DLG1: variants seen among roughly 807,000 people sequenced by gnomAD.
DLG1 encodes disks large homolog 1.
Under a neutral mutation model 123.4 loss-of-function variants are expected in DLG1, and 42 were observed. That is an observed-to-expected ratio of 0.34 (90% CI 0.27 to 0.44). The LOEUF (loss-of-function observed/expected upper bound fraction) is 0.44, where lower values mean the gene tolerates loss of function less well. Ranked by LOEUF, DLG1 falls within the 20% of genes least tolerant of loss-of-function variation. The probability of loss-of-function intolerance (pLI) is 1.00; values close to 1 mark genes in which losing one functional copy is unlikely to be tolerated. For missense variants in DLG1, 942 were observed against 1,082.6 expected, an observed-to-expected ratio of 0.87 and a Z score of 1.82; for synonymous variants, 317 against 356.2, an observed-to-expected ratio of 0.89 and a Z score of 1.24.
chr3:197,061,218 A>G (rs766822969), intron 22 of DLG1, among the ~76,000 whole-genome samples: 1 of 152,256 alleles, frequency 6.6e-6, no homozygotes, highest in Non-Finnish European at 1.5e-5. Context: ...CCAAACATAT[A>G]GAAAAGTAAA....
chr3:197,108,902 T>C (rs1027638387), intron 13 of DLG1, among the ~76,000 whole-genome samples: 2 of 152,196 alleles, frequency 1.3e-5, no homozygotes, highest in Admixed American at 1.3e-4. Flanking sequence ...CTTAATTTGG[T>C]TATTTGTTCT....
chr3:197,085,342 T>A, intron 16 of DLG1: 1 of 468,132 alleles, frequency 2.1e-6, no homozygotes, highest in Non-Finnish European at 3.9e-6. Context: ...GGAAACTTTG[T>A]ATCTCATTTC....
At chr3:197,079,591 CCT>C (rs1475273374) in intron 17 of DLG1, among the ~76,000 whole-genome samples, 1 of 152,122 alleles carries the variant, frequency 6.6e-6, no homozygotes, top group Non-Finnish European at 1.5e-5. Flanking sequence ...CAACATGCAA[CCT>C]CTTTTTCAAT....
At chr3:197,225,111 C>T (rs914958499) in intron 4 of DLG1, among the ~76,000 whole-genome samples, 20 of 152,180 alleles carry the variant, frequency 1.3e-4, no homozygotes, top group African/African-American at 4.6e-4. Context: ...CACCCGCCAC[C>T]GCACCCAGCT....
At chr3:197,294,913 A>ATC (rs766291766) in intron 3 of DLG1, among the ~76,000 whole-genome samples, 66 of 152,242 alleles carry the variant, frequency 4.3e-4, no homozygotes, top group African/African-American at 1.5e-3. Flanking sequence ...ACATATATGT[A>ATC]TATATATATC....
chr3:197,194,505 C>G lies in DLG1; in HGVS notation c.403G>C (p.Val135Leu), dbSNP rs1721374359. 1.2e-6 allele frequency: 2 copies of G among 1,606,572 alleles called. No homozygotes were observed. Among genetic ancestry groups the G allele is most frequent in the Non-Finnish European group, 1.7e-6 (2 of 1,176,920 alleles). ...ITNEVIGPELVHVSEKNLSEI... is the reference protein window; with the variant it reads ...ITNEVIGPELLHVSEKNLSEI... The stretch of plus-strand genomic sequence containing the variant: ...GATAAGTTCTTCTCTGAGACATGAA[C>G]CAATTCTGGACCTATCACTTCATTT... Residue 135 changes from valine to leucine, a missense_variant, in exon 5 of 25, where the codon GTT becomes CTT. Physicochemically the swap from Val to Leu is conservative, Grantham distance 32. Transcript: ENST00000667157.
chr3:197,130,079 C>T (rs1277662991), intron 11 of DLG1, among the ~76,000 whole-genome samples: 2 of 152,024 alleles, frequency 1.3e-5, no homozygotes, highest in Non-Finnish European at 2.9e-5. Context: ...TTCAGGATTG[C>T]CATAAACCTT....
At chr3:197,294,619 C>T (rs1776500049) in intron 3 of DLG1, among the ~76,000 whole-genome samples, 1 of 142,104 alleles carries the variant, frequency 7.0e-6, no homozygotes, top group Non-Finnish European at 1.5e-5. Flanking sequence ...GATCTCGCCA[C>T]TGCACTCCAG....
chr3:197,290,876 C>A (rs1441679800), intron 3 of DLG1, among the ~76,000 whole-genome samples: 1 of 122,584 alleles, frequency 8.2e-6, no homozygotes, highest in Non-Finnish European at 1.6e-5. Context: ...GGTGGCAGAG[C>A]AAGACCCTGT....
intron 13 of DLG1, among the ~76,000 whole-genome samples, chr3:197,106,833 T>G (rs1362459283): frequency 1.3e-5 from 2 of 152,146 alleles, no homozygotes; most frequent in Non-Finnish European, 2.9e-5. Context: ...TTAGAGTCAC[T>G]TTTTTTCTTT....
At chr3:197,077,815 A>C (rs1748262680) in intron 17 of DLG1, among the ~76,000 whole-genome samples, 1 of 152,196 alleles carries the variant, frequency 6.6e-6, no homozygotes, top group Admixed American at 6.5e-5. Flanking sequence ...GTTTTGAAGG[A>C]AACGGGCTTA....
chr3:197,202,734 T>C (rs185784509), intron 4 of DLG1, among the ~76,000 whole-genome samples: 12 of 152,300 alleles, frequency 7.9e-5, no homozygotes, highest in Non-Finnish European at 1.3e-4. Context: ...AGAAGTGTAA[T>C]TGCCTAAAAG....
intron 4 of DLG1, among the ~76,000 whole-genome samples, chr3:197,266,261 CAATA>C (rs1395692870): frequency 6.6e-6 from 1 of 151,970 alleles, no homozygotes; most frequent in Non-Finnish European, 1.5e-5. Context: ...AAAAATCAAT[CAATA>C]AAAACTGACC....
At chr3:197,233,321 G>T (rs971885438) in intron 4 of DLG1, among the ~76,000 whole-genome samples, 183 of 152,284 alleles carry the variant, frequency 1.2e-3, no homozygotes, top group African/African-American at 4.2e-3. Context: ...TCATGGATTA[G>T]AAGAACTGCC....
intron 5 of DLG1, among the ~76,000 whole-genome samples, chr3:197,160,002 G>A (rs951003896): frequency 6.6e-6 from 1 of 152,136 alleles, no homozygotes; most frequent in African/African-American, 2.4e-5. Context: ...ACTGTAAAGC[G>A]CCTCAAGTTA....
intron 23 of DLG1, among the ~76,000 whole-genome samples, chr3:197,056,747 T>C (rs1396480120): frequency 6.6e-6 from 1 of 152,220 alleles, no homozygotes; most frequent in Non-Finnish European, 1.5e-5. Flanking sequence ...CAAACTTACA[T>C]GTACCTGTAT....
chr3:197,079,117 C>T (rs1016342880), intron 17 of DLG1, among the ~76,000 whole-genome samples: 2 of 152,008 alleles, frequency 1.3e-5, no homozygotes, highest in East Asian at 1.9e-4. Context: ...TGAAGACTTG[C>T]TACCTCCAGT....
At position 197,210,455 on chromosome 3, in the gene DLG1, G is replaced by GA. The variant is rs1389600141; in HGVS notation, c.319-15867dup. ...AAAAAATGCAAGAGAGGTTATCACT[G>GA]AAAAAACCTATAGATCTTATAAAGA... On this transcript the variant is annotated intron_variant, in intron 4 of 24. Coordinates refer to ENST00000667157, the MANE Select transcript of DLG1 (RefSeq NM_001366207.1). Among the ~76,000 whole-genome samples the GA allele has an allele frequency of 2.8e-5, 4 of 143,986 alleles. 1 individual carries two copies. The East Asian group carries it at 5.9e-4, about 21-fold the overall frequency. The allele number at this position is 143,986 out of a possible 152,430, so 94.5% of individuals were successfully genotyped here.
intron 5 of DLG1, among the ~76,000 whole-genome samples, chr3:197,150,809 G>C (rs938720010): frequency 1.3e-5 from 2 of 151,972 alleles, no homozygotes; most frequent in African/African-American, 2.4e-5. Flanking sequence ...CAGTACCACA[G>C]CTAAATGATA....
Sources: allele counts gnomAD v4.1 joint callset (sites outside exome capture counted in the v4.1 genomes callset), GRCh38; gene constraint gnomAD v4.1.1; transcripts MANE v1.5; gene names NCBI Gene and HGNC (gene_info 2026-07-23, HGNC 2026-07-21).